SLC35F4: variants seen among roughly 807,000 people sequenced by gnomAD.
The protein encoded by SLC35F4 is chromosome 14 open reading frame 36.
A neutral mutation model predicts 44.2 loss-of-function variants in SLC35F4; 24 were observed. The ratio of observed to expected loss-of-function variants is 0.54; its 90% CI spans 0.39 to 0.76. The LOEUF is 0.76. Among genes scored for constraint, SLC35F4 ranks in the 30% least tolerant of loss-of-function variants. SLC35F4 has a pLI of 0.00. For synonymous variants in SLC35F4, 238 were observed against 223.6 expected, an observed-to-expected ratio of 1.06 and a Z score of -0.57; for missense variants, 562 against 586.1, an observed-to-expected ratio of 0.96 and a Z score of 0.42.
upstream of SLC35F4, among the ~76,000 whole-genome samples, chr14:57,869,959 G>T (rs916946874): frequency 2.0e-5 from 3 of 152,220 alleles, no homozygotes; most frequent in Non-Finnish European, 4.4e-5. Context: ...CTGGGTGTCT[G>T]TATGAGAAGA....
At chr14:57,815,717 C>A (rs1344040485) in intron 1 of SLC35F4, among the ~76,000 whole-genome samples, 5 of 152,050 alleles carry the variant, frequency 3.3e-5, no homozygotes, top group African/African-American at 1.2e-4. Context: ...CCCTTTTAGT[C>A]CCTCACCCAA....
intron 1 of SLC35F4, among the ~76,000 whole-genome samples, chr14:57,698,808 T>C (rs1366483873): frequency 1.3e-5 from 2 of 152,100 alleles, no homozygotes; most frequent in East Asian, 1.9e-4. Context: ...GTATTTTTAG[T>C]AGAGAAGGGG....
intron 1 of SLC35F4, among the ~76,000 whole-genome samples, chr14:57,687,137 A>G (rs1388036113): frequency 6.6e-6 from 1 of 152,186 alleles, no homozygotes; most frequent in Non-Finnish European, 1.5e-5. Context: ...TTGATCTTGG[A>G]CTTTCAGCCT....
intron 1 of SLC35F4, among the ~76,000 whole-genome samples, chr14:57,772,685 C>A (rs1234064887): frequency 6.6e-6 from 1 of 152,172 alleles, no homozygotes. Context: ...CATGATGCTG[C>A]AAAGGATGAT....
At chr14:57,878,566 A>G (rs983862346) in intron 1 of SLC35F4, among the ~76,000 whole-genome samples, 7 of 152,124 alleles carry the variant, frequency 4.6e-5, no homozygotes, top group African/African-American at 1.4e-4. Context: ...ATTTTTATAC[A>G]TGCTGTTCCC....
At chr14:57,641,561 A>C (rs2073239427) in intron 1 of SLC35F4, among the ~76,000 whole-genome samples, 1 of 152,044 alleles carries the variant, frequency 6.6e-6, no homozygotes, top group African/African-American at 2.4e-5. Flanking sequence ...CTCAAGACTT[A>C]AACCTCCAAA....
intron 1 of SLC35F4, among the ~76,000 whole-genome samples, chr14:57,798,541 C>G (rs1197573424): frequency 3.9e-5 from 6 of 152,088 alleles, no homozygotes; most frequent in African/African-American, 1.4e-4. Context: ...CACAAACTAC[C>G]ACATACCATC....
intron 1 of SLC35F4, among the ~76,000 whole-genome samples, chr14:57,880,955 T>A (rs1362702171): frequency 1.3e-5 from 2 of 152,184 alleles, no homozygotes; most frequent in Non-Finnish European, 2.9e-5. Context: ...TGGCACAGAT[T>A]TACATAGGAA....
At chr14:57,615,147 A>G (rs536077768) in intron 1 of SLC35F4, among the ~76,000 whole-genome samples, 37 of 152,308 alleles carry the variant, frequency 2.4e-4, no homozygotes, top group African/African-American at 8.7e-4. Context: ...TGTGAAACCA[A>G]TATGATTCTT....
chr14:57,629,205 C>A (rs1313703502), intron 1 of SLC35F4, among the ~76,000 whole-genome samples: 12 of 152,118 alleles, frequency 7.9e-5, no homozygotes, highest in African/African-American at 2.9e-4. Flanking sequence ...AGCTGCTGTT[C>A]TGAAAATGTT....
intron 1 of SLC35F4, among the ~76,000 whole-genome samples, chr14:57,978,625 T>C (rs1881286018): frequency 6.6e-6 from 1 of 152,202 alleles, no homozygotes; most frequent in Non-Finnish European, 1.5e-5. Flanking sequence ...CTTTCCAAAA[T>C]GCTGTTTATG....
intron 1 of SLC35F4, among the ~76,000 whole-genome samples, chr14:57,834,582 G>T (rs1387788040): frequency 6.6e-6 from 1 of 152,202 alleles, no homozygotes; most frequent in Non-Finnish European, 1.5e-5. Context: ...AGGGAGGGGA[G>T]ATATTAGGAC....
rs567326105 is a variant in SLC35F4 at position 57,759,294 on chromosome 14, G to C, written c.103+106429C>G. On this transcript the variant is annotated intron_variant, in intron 1 of 7. Coordinates refer to ENST00000556826, the MANE Select transcript of SLC35F4 (RefSeq NM_001306087.2). ...ATGGTAGTTCTATTTTTGATCTTTT[G>C]AGGGGCTGGGCATGGTGGCTCACAT... Among the ~76,000 whole-genome samples, 120 of 152,148 alleles carry C rather than the reference G, an allele frequency of 7.9e-4. 1 individual carries two copies. Among genetic ancestry groups the C allele is most frequent in the African/African-American group, 2.7e-3 (112 of 41,532 alleles).
intron 1 of SLC35F4, among the ~76,000 whole-genome samples, chr14:57,748,524 C>T (rs759381411): frequency 3.9e-5 from 6 of 152,080 alleles, no homozygotes; most frequent in Non-Finnish European, 8.8e-5. Context: ...TCAACAACAG[C>T]TGAGTCATGA....
At chr14:57,614,019 A>G (rs868041633) in intron 1 of SLC35F4, among the ~76,000 whole-genome samples, 6 of 152,236 alleles carry the variant, frequency 3.9e-5, no homozygotes, top group Admixed American at 2.0e-4. Context: ...ACTTAAACTC[A>G]GGGCATATAC....
chr14:57,723,076 G>A (rs1017428001), intron 1 of SLC35F4, among the ~76,000 whole-genome samples: 1 of 152,192 alleles, frequency 6.6e-6, no homozygotes, highest in East Asian at 1.9e-4. Context: ...CTGGCTCTGA[G>A]CTGACATTGA....
intron 1 of SLC35F4, among the ~76,000 whole-genome samples, chr14:57,667,669 C>A (rs1478709254): frequency 6.6e-6 from 1 of 151,736 alleles, no homozygotes; most frequent in Non-Finnish European, 1.5e-5. Flanking sequence ...TGAACTCATC[C>A]TTGTTTATGG....
chr14:57,687,151 G>A (rs1157897861), intron 1 of SLC35F4, among the ~76,000 whole-genome samples: 1 of 152,132 alleles, frequency 6.6e-6, no homozygotes, highest in Non-Finnish European at 1.5e-5. Flanking sequence ...TCAGCCTCCA[G>A]AACTGTGAGA....
chr14:57,955,430 T>C (rs894568349), intron 1 of SLC35F4, among the ~76,000 whole-genome samples: 1 of 152,030 alleles, frequency 6.6e-6, no homozygotes, highest in Non-Finnish European at 1.5e-5. Context: ...AGTATTGGAA[T>C]TTATCACCAG....
Sources: gnomAD v4.1 joint callset for allele counts (sites outside exome capture counted in the v4.1 genomes callset) on GRCh38, gnomAD v4.1.1 for gene constraint, MANE v1.5 for transcripts, NCBI Gene and HGNC (gene_info 2026-07-23, HGNC 2026-07-21) for gene names.